DMD: variants seen among roughly 807,000 people sequenced by gnomAD.
DMD encodes dystrophin, also known as mutant dystrophin.
DMD carries 63 observed loss-of-function variants against 330.1 expected under a neutral mutation model. The observed-to-expected ratio is 0.19, with a 90% confidence interval of 0.16 to 0.24. The LOEUF (loss-of-function observed/expected upper bound fraction) is 0.24. DMD is among the 10% of genes least tolerant of loss of function. The probability of loss-of-function intolerance (pLI) is 1.00; values close to 1 mark genes in which losing one functional copy is unlikely to be tolerated. For missense variants in DMD, 3,344 were observed against 2,684.1 expected (o/e 1.25, Z -5.43); for synonymous variants, 1,223 against 959.8 (o/e 1.27, Z -5.07).
intron 7 of DMD, among the ~76,000 whole-genome samples, chrX:32,778,104 A>G (rs2074354250): frequency 1.8e-5 from 2 of 111,598 alleles, no homozygotes; most frequent in Admixed American, 1.9e-4. Context: ...TAAAAATAAT[A>G]CAGAATATAT....
chrX:33,224,451 T>C (rs1669408890), intron 1 of DMD, among the ~76,000 whole-genome samples: 1 of 111,837 alleles, frequency 8.9e-6, no homozygotes, highest in Admixed American at 9.6e-5. Context: ...TGTTTCTAAC[T>C]GAAGGAAGCC....
In DMD at chrX:31,775,441, G is replaced by C. The variant is rs145404939; in HGVS notation, c.7310-1249C>G. On this transcript the variant is annotated intron_variant, in intron 50 of 78. Transcript: ENST00000357033. ...GGCCCTATATTGATTGAAGAGGGCT[G>C]AACTTGCTGGTGTGAATTGATACTA... Among the ~76,000 whole-genome samples, 389 of 111,175 alleles carry C rather than the reference G, an allele frequency of 3.5e-3. 3 individuals are homozygous for C. Among genetic ancestry groups the C allele is most frequent in the African/African-American group, 0.012 (367 of 30,583 alleles).
chrX:31,835,011 G>A (rs2093164580), intron 49 of DMD, among the ~76,000 whole-genome samples: 1 of 112,450 alleles, frequency 8.9e-6, no homozygotes, highest in Admixed American at 9.4e-5. Flanking sequence ...GCATCAGCAG[G>A]AAGCAGATAT....
intron 57 of DMD, among the ~76,000 whole-genome samples, chrX:31,488,436 T>C (rs1022996579): frequency 1.8e-5 from 2 of 111,230 alleles, no homozygotes. Context: ...GTAAATAATA[T>C]CTGAATCATA....
At chrX:33,203,769 T>C (rs1278465194) in intron 1 of DMD, among the ~76,000 whole-genome samples, 2 of 110,267 alleles carry the variant, frequency 1.8e-5, no homozygotes, top group Non-Finnish European at 3.8e-5. Context: ...GAGTTGCATA[T>C]TTAAATCCCT....
chrX:32,635,677 A>G (rs1336608684), intron 11 of DMD, among the ~76,000 whole-genome samples: 1 of 111,999 alleles, frequency 8.9e-6, no homozygotes, highest in East Asian at 2.8e-4. Context: ...CATGGCAATA[A>G]TGAATGGTCC....
chrX:31,766,903 T>TGTGTGTGTGTGTG, intron 51 of DMD, among the ~76,000 whole-genome samples: 1 of 62,545 alleles, frequency 1.6e-5, no homozygotes, highest in Admixed American at 1.8e-4. Context: ...GTGTGTGTGT[T>TGTGTGTGTGTGTG]TGCAACTCTA....
At chrX:32,346,239 T>C (rs770417803) in intron 38 of DMD, among the ~76,000 whole-genome samples, 159 bp from the exon 39 acceptor site, 1 of 111,945 alleles carries the variant, frequency 8.9e-6, no homozygotes, top group Admixed American at 9.5e-5. Flanking sequence ...GCCTTTCTTT[T>C]ACATTTGGTA....
rs554555476 is a variant in DMD, at chrX:31,313,441, T to C, written c.9224+10157A>G. On this transcript the variant is annotated intron_variant, in intron 62 of 78. Coordinates refer to ENST00000357033, the MANE Select transcript of DMD (RefSeq NM_004006.3). The stretch of plus-strand genomic sequence containing the variant: ...GATTGGCCACATTTGGTTATACAAA[T>C]GGCCAGTTTTCAATCAAAAACATTA... 2.9e-4 allele frequency among the ~76,000 whole-genome samples: 32 copies of C among 111,913 alleles called. 1 individual carries two copies. The South Asian group carries it at 0.012, about 41-fold the overall frequency.
intron 55 of DMD, among the ~76,000 whole-genome samples, chrX:31,616,620 G>C (rs1028609827): frequency 8.9e-6 from 1 of 112,091 alleles, no homozygotes; most frequent in Non-Finnish European, 1.9e-5. Context: ...CTTGGACAAT[G>C]GATATATACA....
intron 2 of DMD, among the ~76,000 whole-genome samples, chrX:32,891,462 T>G (rs2085194057): frequency 8.9e-6 from 1 of 112,581 alleles, no homozygotes; most frequent in South Asian, 3.6e-4. Flanking sequence ...AATTAAATTT[T>G]CTAGTTTTCC....
At chrX:33,009,315 T>C (rs1361384233) in intron 2 of DMD, among the ~76,000 whole-genome samples, 2 of 54,142 alleles carry the variant, frequency 3.7e-5, no homozygotes, top group African/African-American at 7.4e-5. Context: ...CACATGTGTG[T>C]ATATGTGTAT....
intron 44 of DMD, among the ~76,000 whole-genome samples, chrX:32,165,868 C>T (rs1002714870): frequency 9.0e-6 from 1 of 110,806 alleles, no homozygotes; most frequent in Non-Finnish European, 1.9e-5. Flanking sequence ...TGAATTCTCC[C>T]AAAATCTGAT....
intron 60 of DMD, among the ~76,000 whole-genome samples, chrX:31,401,952 T>C (rs551332885): frequency 3.6e-5 from 4 of 111,529 alleles, no homozygotes; most frequent in African/African-American, 9.8e-5. Context: ...GGCCAGACAC[T>C]GCGCTAAATG....
At chrX:32,522,693 T>A (rs1385470259) in intron 17 of DMD, among the ~76,000 whole-genome samples, 1 of 112,444 alleles carries the variant, frequency 8.9e-6, no homozygotes. Context: ...TTTATTCAAG[T>A]ACTTGTAGAA....
At position 31,125,945 on chromosome X, in the gene DMD, G is replaced by T. The variant is rs151296568; in HGVS notation, c.11046+697C>A. 1.4e-4 allele frequency among the ~76,000 whole-genome samples: 16 copies of T among 111,756 alleles called. No homozygotes were observed. In the East Asian group the frequency reaches 4.5e-3, roughly 32 times the overall value. On this transcript the variant is annotated intron_variant, in intron 78 of 78. Coordinates refer to ENST00000357033, the MANE Select transcript of DMD (RefSeq NM_004006.3). ...CTTTCAAATGAGAGTTAAGAGTGTG[G>T]GTCTGGAGCCAGACTGCCTGGATCC...
intron 4 of DMD, among the ~76,000 whole-genome samples, chrX:32,837,504 C>G (rs1194429988): frequency 3.6e-5 from 4 of 111,466 alleles, no homozygotes; most frequent in Non-Finnish European, 7.5e-5. Context: ...ATAGCCCTCT[C>G]CCCTTGACTG....
At chrX:32,285,422 T>A (rs1021499019) in intron 43 of DMD, among the ~76,000 whole-genome samples, 1 of 111,818 alleles carries the variant, frequency 8.9e-6, no homozygotes, top group Non-Finnish European at 1.9e-5. Flanking sequence ...ATTCAAATAT[T>A]TTTGTTAATT....
intron 57 of DMD, among the ~76,000 whole-genome samples, chrX:31,495,572 G>A (rs1028326188): frequency 2.7e-5 from 3 of 111,941 alleles, no homozygotes; most frequent in African/African-American, 6.5e-5. Flanking sequence ...ATTGGTCATC[G>A]TTGGAGGATG....
Sources: gnomAD v4.1 joint callset for allele counts (sites outside exome capture counted in the v4.1 genomes callset) on GRCh38, gnomAD v4.1.1 for gene constraint, MANE v1.5 for transcripts, NCBI Gene and HGNC (gene_info 2026-07-23, HGNC 2026-07-21) for gene names.